C2CD3: variants seen among roughly 807,000 people sequenced by gnomAD.
The protein encoded by C2CD3 is C2 domain-containing protein 3.
A neutral mutation model predicts 234.0 loss-of-function variants in C2CD3; 148 were observed. The observed-to-expected ratio is 0.63, with a 90% confidence interval of 0.55 to 0.72. The LOEUF is 0.72. C2CD3 is among the 30% of genes least tolerant of loss of function. C2CD3 has a pLI of 0.00. For synonymous variants in C2CD3, 1,000 were observed against 1,035.4 expected (o/e 0.97, Z 0.66); for missense variants, 2,577 against 2,811.5 (o/e 0.92, Z 1.89).
At position 74,100,553 on chromosome 11, in the gene C2CD3, G is replaced by A; in HGVS notation, c.2704C>T (p.Pro902Ser). 1 of 1,612,334 alleles carries A rather than the reference G, an allele frequency of 6.2e-7. No individual in the cohort carries two copies. Among genetic ancestry groups the A allele is most frequent in the South Asian group, 1.1e-5 (1 of 90,618 alleles). Residue 902 changes from proline (P) to serine (S), a missense_variant, in exon 15 of 33, where the codon CCC (proline) becomes TCC (serine). Transcript: ENST00000334126. ...QDKLLGLVKL[P>S]LHQFYMSFKD... is the part of the protein sequence containing the mutation. ...AATGACATGTAAAACTGGTGGAGGG[G>A]AAGTTTCACCAGCCCGAGCAGCTTG... is the stretch of plus-strand genomic sequence containing the variant.
intron 29 of C2CD3, among the ~76,000 whole-genome samples, 190 bp downstream of exon 29, chr11:74,041,864 G>C (rs1179980649): frequency 2.0e-5 from 3 of 152,164 alleles, no homozygotes; most frequent in Non-Finnish European, 2.9e-5. Flanking sequence ...GTCCCAAGCT[G>C]ATACAGATTC....
chr11:74,153,524 G>C (rs1339414286), intron 3 of C2CD3, among the ~76,000 whole-genome samples: 1 of 152,024 alleles, frequency 6.6e-6, no homozygotes, highest in Non-Finnish European at 1.5e-5. Flanking sequence ...AAGTATAAAA[G>C]ATTGTAGAAA....
In C2CD3 at chr11:74,123,043, A is replaced by G. The variant is rs1957272164; in HGVS notation, c.1310T>C (p.Leu437Pro). ...PGSDVYCISE[L>P]NDPQYDQSLL... Reference sequence around the variant, plus strand: ...ACTCTGGTCATACTGAGGGTCATTCAGCTCACTGATGCAATACACATCACT... The same window carrying G: ...ACTCTGGTCATACTGAGGGTCATTCGGCTCACTGATGCAATACACATCACT... The change falls in exon 8 of 33, where the codon CTG (leucine) becomes CCG (proline). Residue 437 changes from leucine to proline, a missense_variant. Transcript: ENST00000334126. 6.2e-7 allele frequency: 1 copy of G among 1,613,324 alleles called. No homozygotes were observed. The highest frequency in any genetic ancestry group is 1.3e-5 in the African/African-American group (1 of 75,036).
chr11:74,100,823 G>T, intron 14 of C2CD3, 147 bp from the exon 15 acceptor site: 1 of 643,668 alleles, frequency 1.6e-6, no homozygotes, highest in Non-Finnish European at 2.6e-6. Flanking sequence ...AACTTACTCT[G>T]TATCCTCAAG....
intron 22 of C2CD3, among the ~76,000 whole-genome samples, chr11:74,082,275 C>A (rs915365184): frequency 2.6e-5 from 4 of 152,012 alleles, no homozygotes; most frequent in African/African-American, 9.7e-5. Context: ...GCTACCACGC[C>A]CAGCTAATTT....
chr11:74,163,153 T>C (rs1450381280), intron 2 of C2CD3, among the ~76,000 whole-genome samples: 1 of 152,186 alleles, frequency 6.6e-6, no homozygotes, highest in Non-Finnish European at 1.5e-5. Flanking sequence ...GTGAAAAGCA[T>C]GTAGGAATTA....
chr11:74,031,603 A>C (rs374460212), intron 31 of C2CD3, among the ~76,000 whole-genome samples: 15 of 152,338 alleles, frequency 9.8e-5, no homozygotes, highest in African/African-American at 3.6e-4. Context: ...ATAAACTGTC[A>C]GTATCTATCT....
chr11:74,142,240 T>C (rs1310249487), intron 3 of C2CD3: 1 of 152,186 alleles, frequency 6.6e-6, no homozygotes. Context: ...GGGTTACAGA[T>C]CTCTCTCTGT....
At chr11:74,095,666 T>A (rs1956077100) in intron 16 of C2CD3, among the ~76,000 whole-genome samples, 1 of 152,138 alleles carries the variant, frequency 6.6e-6, no homozygotes, top group Non-Finnish European at 1.5e-5. Context: ...ACAATAAAAA[T>A]GATTAACACA....
rs11603312 is a variant in C2CD3, at chr11:74,077,848, A to G, written c.4603+267T>C. Among the ~76,000 whole-genome samples, 4,145 of 36,298 alleles carry G rather than the reference A, an allele frequency of 0.11. 838 individuals carry two copies. The highest frequency in any genetic ancestry group is 0.17 in the East Asian group (194 of 1,164). 23.8% of individuals were successfully genotyped at this position (36,298 alleles called of 152,430 possible). Reference sequence around the variant, plus strand: ...ATATATATATATATATATATATATTATCTCTTTAGTTACAAGAAGCACTAC... The same window carrying G: ...ATATATATATATATATATATATATTGTCTCTTTAGTTACAAGAAGCACTAC... On this transcript the variant is annotated intron_variant, in intron 23 of 32. Transcript: ENST00000334126.
At chr11:74,170,659 G>A (rs548998685) in intron 1 of C2CD3, 79 bp downstream of exon 1, 2 of 1,496,600 alleles carry the variant, frequency 1.3e-6, no homozygotes, top group Non-Finnish European at 1.9e-6. Flanking sequence ...TTTATCCAGC[G>A]GGGGTGCGGG....
chr11:74,100,887 G>GT (rs1565294270), intron 14 of C2CD3, among the ~76,000 whole-genome samples: 2 of 152,296 alleles, frequency 1.3e-5, no homozygotes, highest in Admixed American at 1.3e-4. Context: ...ATACAAAACA[G>GT]TGAGTTCTCT....
intron 32 of C2CD3, among the ~76,000 whole-genome samples, chr11:74,019,225 G>C (rs1010633842): frequency 2.6e-5 from 4 of 152,200 alleles, no homozygotes; most frequent in Non-Finnish European, 5.9e-5. Flanking sequence ...TGGCCTCAGA[G>C]TGGCTCAGGC....
chr11:74,118,663 A>G (rs917873325), intron 8 of C2CD3, among the ~76,000 whole-genome samples: 39 of 152,168 alleles, frequency 2.6e-4, no homozygotes, highest in Admixed American at 2.4e-3. Flanking sequence ...ACTATAGACC[A>G]TATGTCTGGT....
intron 29 of C2CD3, among the ~76,000 whole-genome samples, chr11:74,040,590 A>C (rs572772381): frequency 6.6e-6 from 1 of 151,902 alleles, no homozygotes; most frequent in East Asian, 1.9e-4. Context: ...CCCTGTCTCT[A>C]CTAAAAATAC....
chr11:74,091,191 C>T, intron 19 of C2CD3: 1 of 349,476 alleles, frequency 2.9e-6, no homozygotes, highest in South Asian at 5.2e-5. Context: ...TACACAACTA[C>T]TGAAGGCAGA....
Position 74,118,220 on chromosome 11 carries a change from C to A in C2CD3, c.1520+8G>T. 2 of 1,609,454 alleles carry A rather than the reference C, an allele frequency of 1.2e-6. No homozygotes were observed. The highest frequency in any genetic ancestry group is 1.7e-6 in the Non-Finnish European group (2 of 1,177,220). On this transcript the variant is annotated splice_region_variant and intron_variant, in intron 9 of 32. Transcript: ENST00000334126. The stretch of plus-strand genomic sequence containing the variant: ...TTTACCTTTAAATAAACAGTCAGAG[C>A]AGCTCACCTATTTCTCTTGCCTGCT...
intron 24 of C2CD3, among the ~76,000 whole-genome samples, chr11:74,058,783 G>A (rs1954077281): frequency 6.6e-6 from 1 of 151,956 alleles, no homozygotes; most frequent in Admixed American, 6.6e-5. Flanking sequence ...TAGTCTAACT[G>A]AGCTGTCCAG....
chr11:74,166,503 C>T (rs1856822826), intron 2 of C2CD3, among the ~76,000 whole-genome samples: 1 of 151,976 alleles, frequency 6.6e-6, no homozygotes, highest in Admixed American at 6.6e-5. Flanking sequence ...AAAATTAAGG[C>T]CCAAGAAGAT....
Sources: gnomAD v4.1 joint callset for allele counts (sites outside exome capture counted in the v4.1 genomes callset) on GRCh38, gnomAD v4.1.1 for gene constraint, MANE v1.5 for transcripts, NCBI Gene and HGNC (gene_info 2026-07-23, HGNC 2026-07-21) for gene names.